DTL: variants seen among roughly 807,000 people sequenced by gnomAD.
DTL encodes denticleless E3 ubiquitin protein ligase adapter.
Under a neutral mutation model 87.0 loss-of-function variants are expected in DTL, and 46 were observed. The ratio of observed to expected loss-of-function variants is 0.53; its 90% CI spans 0.42 to 0.68. The LOEUF is 0.68. DTL is among the 30% of genes least tolerant of loss of function. DTL has a pLI of 0.00. For synonymous variants in DTL, 308 were observed against 311.2 expected (o/e 0.99, Z 0.11); for missense variants, 737 against 869.4 (o/e 0.85, Z 1.91).
chr1:212,069,796 A>G (rs1304935191), intron 10 of DTL, among the ~76,000 whole-genome samples: 1 of 152,172 alleles, frequency 6.6e-6, no homozygotes, highest in African/African-American at 2.4e-5. Flanking sequence ...CACCCACCTC[A>G]GCCTCCCAAA....
chr1:212,055,721 G>A (rs1172872994), intron 5 of DTL, among the ~76,000 whole-genome samples: 1 of 152,116 alleles, frequency 6.6e-6, no homozygotes, highest in Non-Finnish European at 1.5e-5. Flanking sequence ...CCCCTTACCT[G>A]AGCATTCCAC....
intron 1 of DTL, among the ~76,000 whole-genome samples, chr1:212,039,442 G>A (rs978466818): frequency 3.3e-5 from 5 of 152,100 alleles, no homozygotes; most frequent in African/African-American, 1.2e-4. Context: ...ATTGGGGCAC[G>A]GGAATGCCTT....
At chr1:212,057,668 G>C (rs1668220957) in intron 5 of DTL, among the ~76,000 whole-genome samples, 1 of 151,972 alleles carries the variant, frequency 6.6e-6, no homozygotes, top group South Asian at 2.1e-4. Flanking sequence ...ACCAGAGAAA[G>C]GAAGGAACAA....
chr1:212,084,775 A>G (rs1655080846), intron 13 of DTL, among the ~76,000 whole-genome samples: 1 of 152,140 alleles, frequency 6.6e-6, no homozygotes, highest in Non-Finnish European at 1.5e-5. Flanking sequence ...TCAAACCTTC[A>G]TACTCCTCAT....
chr1:212,091,652 C>A (rs1655285772), intron 13 of DTL, among the ~76,000 whole-genome samples: 1 of 152,102 alleles, frequency 6.6e-6, no homozygotes, highest in Non-Finnish European at 1.5e-5. Context: ...AGGGATGAAC[C>A]TGAAAGACAT....
chr1:212,102,063 C>T (rs1251137618), intron 14 of DTL, among the ~76,000 whole-genome samples: 1 of 152,202 alleles, frequency 6.6e-6, no homozygotes, highest in African/African-American at 2.4e-5. Flanking sequence ...GATAACCAAC[C>T]TTAGGCCAGT....
At chr1:212,054,407 CAA>C (rs79544521) in intron 5 of DTL, among the ~76,000 whole-genome samples, 1 of 136,272 alleles carries the variant, frequency 7.3e-6, no homozygotes. Context: ...ACCACACACA[CAA>C]AAAAAAAAAA....
intron 11 of DTL, among the ~76,000 whole-genome samples, chr1:212,072,641 T>C (rs980169719): frequency 6.6e-6 from 1 of 152,156 alleles, no homozygotes; most frequent in Non-Finnish European, 1.5e-5. Context: ...AACTCAAAAA[T>C]ATTTTTATGA....
intron 11 of DTL, among the ~76,000 whole-genome samples, chr1:212,077,393 CCTT>C (rs760548958): frequency 5.9e-5 from 9 of 151,964 alleles, no homozygotes; most frequent in Non-Finnish European, 1.2e-4. Context: ...ACAATGTGAC[CCTT>C]CTTTCTGCAT....
At chr1:212,055,340 T>A (rs576469948) in intron 5 of DTL, among the ~76,000 whole-genome samples, 2 of 152,090 alleles carry the variant, frequency 1.3e-5, no homozygotes, top group Admixed American at 1.3e-4. Context: ...GAGACTAACA[T>A]AGGGAGCTGC....
At chr1:212,042,096 C>A (rs1331759267) in intron 1 of DTL, among the ~76,000 whole-genome samples, 1 of 152,182 alleles carries the variant, frequency 6.6e-6, no homozygotes, top group Non-Finnish European at 1.5e-5. Context: ...AGATTGTAAA[C>A]TCAGTGTTTC....
chr1:212,083,554 G>A (rs1453344015), intron 13 of DTL, among the ~76,000 whole-genome samples: 1 of 152,122 alleles, frequency 6.6e-6, no homozygotes, highest in East Asian at 1.9e-4. Flanking sequence ...GATAATGGAA[G>A]ATTTCCAGGT....
At chr1:212,037,619 T>A (rs1348525535) in intron 1 of DTL, among the ~76,000 whole-genome samples, 1 of 152,244 alleles carries the variant, frequency 6.6e-6, no homozygotes, top group Non-Finnish European at 1.5e-5. Context: ...CCACCGAACT[T>A]CTAAAGAAAG....
chr1:212,059,332 G>C (rs1668269773), intron 5 of DTL, among the ~76,000 whole-genome samples: 1 of 151,250 alleles, frequency 6.6e-6, no homozygotes, highest in African/African-American at 2.4e-5. Flanking sequence ...TGATCAAGTG[G>C]GATTTATCCC....
chr1:212,038,874 A>G (rs1225441179), intron 1 of DTL, among the ~76,000 whole-genome samples: 1 of 152,230 alleles, frequency 6.6e-6, no homozygotes, highest in African/African-American at 2.4e-5. Flanking sequence ...AAAATGCTAT[A>G]TCACTCCTTT....
At chr1:212,037,448 C>G (rs1667517556) in intron 1 of DTL, among the ~76,000 whole-genome samples, 1 of 152,182 alleles carries the variant, frequency 6.6e-6, no homozygotes, top group African/African-American at 2.4e-5. Context: ...TACATACATA[C>G]AACCTTCTGT....
At chr1:212,051,864 A>G in intron 5 of DTL, 1 of 830,364 alleles carries the variant, frequency 1.2e-6, no homozygotes, top group Non-Finnish European at 2.0e-6. Flanking sequence ...TCCTTTTTGA[A>G]CAGTACCCGT....
chr1:212,083,860 A>C (rs948114913), intron 13 of DTL, among the ~76,000 whole-genome samples: 17 of 152,102 alleles, frequency 1.1e-4, no homozygotes, highest in African/African-American at 3.6e-4. Context: ...TCAATTAATT[A>C]CTGCTAGCCT....
rs1402230350 is a variant in DTL at position 212,043,056 on chromosome 1, A to C, written c.116A>C (p.Glu39Ala). The C allele has an allele frequency of 6.2e-7, 1 of 1,613,476 alleles. No individual in the cohort carries two copies. The highest frequency in any genetic ancestry group is 1.3e-5 in the African/African-American group (1 of 75,010). ...GGTTATCAGTGCAGTGGTAATGATG[A>C]ACACACTTCTTATGGAGAAACAGGA... Reference protein sequence around the residue: ...LTGYQCSGNDEHTSYGETGVP... With the variant: ...LTGYQCSGNDAHTSYGETGVP... Residue 39 changes from glutamate to alanine, a missense_variant, in exon 2 of 15, where the codon GAA (glutamate) becomes GCA (alanine). Glu to Ala is a moderately radical substitution (Grantham distance 107). Coordinates refer to ENST00000366991, the MANE Select transcript of DTL (RefSeq NM_016448.4).
Sources: gnomAD v4.1 joint callset for allele counts (sites outside exome capture counted in the v4.1 genomes callset) on GRCh38, gnomAD v4.1.1 for gene constraint, MANE v1.5 for transcripts, NCBI Gene and HGNC (gene_info 2026-07-23, HGNC 2026-07-21) for gene names.